Variants in ARHGAP26 observed in about 807,000 individuals in gnomAD.
ARHGAP26 encodes Rho GTPase activating protein 26, also known as rho GTPase-activating protein 26.
ARHGAP26 carries 38 observed loss-of-function variants against 104.8 expected under a neutral mutation model. The ratio of observed to expected loss-of-function variants is 0.36; its 90% CI spans 0.28 to 0.48. The LOEUF (loss-of-function observed/expected upper bound fraction) is 0.48. Ranked by LOEUF, ARHGAP26 falls within the 20% of genes least tolerant of loss-of-function variation. ARHGAP26 has a pLI of 0.99. For synonymous variants in ARHGAP26, 341 were observed against 340.0 expected (o/e 1.00, Z -0.03); for missense variants, 704 against 947.9 (o/e 0.74, Z 3.38).
intron 20 of ARHGAP26, among the ~76,000 whole-genome samples, chr5:143,167,105 T>G (rs1023503342): frequency 1.3e-5 from 2 of 152,038 alleles, no homozygotes; most frequent in African/African-American, 4.8e-5. Context: ...TTTTCTCACC[T>G]CAAGTAAATT....
intron 11 of ARHGAP26, among the ~76,000 whole-genome samples, chr5:142,991,945 A>T (rs1045175138): frequency 1.3e-5 from 2 of 152,222 alleles, no homozygotes; most frequent in Non-Finnish European, 2.9e-5. Flanking sequence ...CATGAGTTGC[A>T]TATGGGAATA....
chr5:142,973,870 G>A (rs1772638361), intron 11 of ARHGAP26, among the ~76,000 whole-genome samples: 1 of 152,346 alleles, frequency 6.6e-6, no homozygotes. Context: ...GGCGCTAGCA[G>A]AGGACATCAG....
intron 14 of ARHGAP26, among the ~76,000 whole-genome samples, chr5:143,047,716 T>A (rs1784415839): frequency 6.6e-6 from 1 of 152,228 alleles, no homozygotes; most frequent in Non-Finnish European, 1.5e-5. Context: ...TTAGACTGTT[T>A]ACATATTTAT....
At chr5:143,039,492 C>T (rs1783128498) in intron 13 of ARHGAP26, among the ~76,000 whole-genome samples, 1 of 152,036 alleles carries the variant, frequency 6.6e-6, no homozygotes, top group Non-Finnish European at 1.5e-5. Context: ...CAGGCATGAG[C>T]CACTGTGCAC....
chr5:142,991,542 A>G (rs903883262), intron 11 of ARHGAP26, among the ~76,000 whole-genome samples: 1 of 151,846 alleles, frequency 6.6e-6, no homozygotes, highest in African/African-American at 2.4e-5. Flanking sequence ...TGCGTCACTC[A>G]CACTGGGAGC....
At chr5:143,132,620 G>A (rs1797479648) in intron 18 of ARHGAP26, among the ~76,000 whole-genome samples, 2 of 152,170 alleles carry the variant, frequency 1.3e-5, no homozygotes, top group South Asian at 4.2e-4. Context: ...TTTCAATGAT[G>A]AAAAGTGTGT....
At chr5:143,213,732 G>A (rs1683088269) in intron 21 of ARHGAP26, among the ~76,000 whole-genome samples, 1 of 152,114 alleles carries the variant, frequency 6.6e-6, no homozygotes, top group African/African-American at 2.4e-5. Context: ...GTAACTCCCA[G>A]GTAAAGTTTT....
At chr5:142,884,967 C>T (rs1757504757) in intron 4 of ARHGAP26, among the ~76,000 whole-genome samples, 1 of 152,214 alleles carries the variant, frequency 6.6e-6, no homozygotes, top group Non-Finnish European at 1.5e-5. Context: ...GCCCCCAACC[C>T]CTGGCTGCCT....
chr5:143,121,227 A>T (rs1237084086), intron 18 of ARHGAP26, 80 bp downstream of exon 18: 3 of 1,438,072 alleles, frequency 2.1e-6, no homozygotes, highest in Non-Finnish European at 2.9e-6. Flanking sequence ...GAGTTGGCTC[A>T]GATTTGCATT....
At chr5:143,137,522 T>C (rs1008747926) in intron 19 of ARHGAP26, among the ~76,000 whole-genome samples, 1 of 152,246 alleles carries the variant, frequency 6.6e-6, no homozygotes, top group Non-Finnish European at 1.5e-5. Context: ...AGGGCACACA[T>C]GCACCCATAG....
At chr5:142,869,208 CTTTTTTTTTTTTTT>C (rs1262754470) in intron 1 of ARHGAP26, among the ~76,000 whole-genome samples, 1 of 137,214 alleles carries the variant, frequency 7.3e-6, no homozygotes, top group Admixed American at 7.3e-5. Flanking sequence ...TTTCTTTTTT[CTTTTTTTTTTTTTT>C]TTGAGACAGC....
At chr5:142,834,444 C>G (rs1285488510) in intron 1 of ARHGAP26, among the ~76,000 whole-genome samples, 1 of 152,258 alleles carries the variant, frequency 6.6e-6, no homozygotes, top group Non-Finnish European at 1.5e-5. Flanking sequence ...AAAGCCCTAG[C>G]TAATCTACCT....
intron 1 of ARHGAP26, among the ~76,000 whole-genome samples, chr5:142,793,252 C>CTTTTTTT (rs56941301): frequency 0.012 from 1,272 of 106,798 alleles, 16 homozygotes; most frequent in East Asian, 0.057. Flanking sequence ...TATCCCTTTG[C>CTTTTTTT]TTTTTTTTTT....
At chr5:142,924,294 C>T (rs1763608359) in intron 10 of ARHGAP26, among the ~76,000 whole-genome samples, 1 of 152,010 alleles carries the variant, frequency 6.6e-6, no homozygotes, top group South Asian at 2.1e-4. Context: ...TTTCTGGATC[C>T]CAGGACATGT....
intron 1 of ARHGAP26, among the ~76,000 whole-genome samples, chr5:142,833,531 C>T (rs115112054): frequency 1.2e-4 from 18 of 152,012 alleles, no homozygotes; most frequent in African/African-American, 4.1e-4. Flanking sequence ...ATATGATGGA[C>T]ATTTTTGTAT....
intron 6 of ARHGAP26, among the ~76,000 whole-genome samples, chr5:142,895,660 G>A (rs1269191569): frequency 6.6e-6 from 1 of 152,054 alleles, no homozygotes; most frequent in South Asian, 2.1e-4. Flanking sequence ...GATTTTTTTA[G>A]GCATGTAGAC....
chr5:143,069,984 T>C lies in ARHGAP26; in HGVS notation c.1538+12237T>C, dbSNP rs991319289. Among the ~76,000 whole-genome samples the C allele has an allele frequency of 5.3e-5, 8 of 152,320 alleles. No homozygotes were observed. In the East Asian group the frequency reaches 9.7e-4, roughly 18 times the overall value. ...GCTCCCTTCACAGCATGTCTTCAGA[T>C]GTCCCCTGGGCCCAGAATTGTCTCC... On this transcript the variant is annotated intron_variant, in intron 17 of 22. Coordinates refer to ENST00000645722, the MANE Select transcript of ARHGAP26 (RefSeq NM_001135608.3).
rs35201189 is a variant in ARHGAP26, at chr5:143,087,636, C to CTTTTTTTTTTTTTTTTTTTT, written c.1538+29896_1538+29915dup. ...CTCATCTAATTAACCCTGGCCCATT[C>CTTTTTTTTTTTTTTTTTTTT]TTTTTTTTTTTTTTTTTTTTTTTTT... On this transcript the variant is annotated intron_variant, in intron 17 of 22. Coordinates refer to ENST00000645722, the MANE Select transcript of ARHGAP26 (RefSeq NM_001135608.3). Among the ~76,000 whole-genome samples, 45 of 51,564 alleles carry CTTTTTTTTTTTTTTTTTTTT rather than the reference C, an allele frequency of 8.7e-4. 15 individuals carry two copies. The highest frequency in any genetic ancestry group is 4.3e-3 in the East Asian group (5 of 1,166). The allele number at this position is 51,564 out of a possible 152,430, so 33.8% of individuals were successfully genotyped here. A position where few individuals can be genotyped will look rare whatever the true frequency, so the allele number is the denominator to read the frequency against.
In ARHGAP26 at chr5:143,012,558, T is replaced by C. The variant is rs1472605903; in HGVS notation, c.1108-1522T>C. Among the ~76,000 whole-genome samples, 25 of 72,414 alleles carry C rather than the reference T, an allele frequency of 3.5e-4. 4 individuals carry two copies. The highest frequency in any genetic ancestry group is 8.1e-4 in the African/African-American group (21 of 25,810). 47.5% of individuals were successfully genotyped at this position (72,414 alleles called of 152,430 possible). A position where few individuals can be genotyped will look rare whatever the true frequency, so the allele number is the denominator to read the frequency against. On this transcript the variant is annotated intron_variant, in intron 11 of 22. Coordinates refer to ENST00000645722, the MANE Select transcript of ARHGAP26 (RefSeq NM_001135608.3). ...ATATTTATATACATACATACATATA[T>C]ATATATATATATATATATTATGATC...
Sources: gnomAD v4.1 joint callset for allele counts (sites outside exome capture counted in the v4.1 genomes callset) on GRCh38, gnomAD v4.1.1 for gene constraint, MANE v1.5 for transcripts, NCBI Gene and HGNC (gene_info 2026-07-23, HGNC 2026-07-21) for gene names.